USP15: variants seen among roughly 807,000 people sequenced by gnomAD.
The protein encoded by USP15 is ubiquitin specific peptidase 15, also known as ubiquitin carboxyl-terminal hydrolase 15.
A neutral mutation model predicts 127.1 loss-of-function variants in USP15; 18 were observed. The observed-to-expected ratio is 0.14, with a 90% CI of 0.10 to 0.21. USP15 has a LOEUF of 0.21. Among genes scored for constraint, USP15 ranks in the 10% least tolerant of loss-of-function variants. The probability of loss-of-function intolerance (pLI) is 1.00; values close to 1 mark genes in which losing one functional copy is unlikely to be tolerated. For synonymous variants in USP15, 364 were observed against 393.7 expected (o/e 0.92, Z 0.89); for missense variants, 805 against 1,159.9 (o/e 0.69, Z 4.44).
intron 1 of USP15, 99 bp from the exon 2 acceptor site, chr12:62,294,080 T>A: frequency 7.9e-7 from 1 of 1,268,918 alleles, no homozygotes; most frequent in Non-Finnish European, 1.1e-6. Flanking sequence ...GAAGTAGATA[T>A]GTCTTTTAAT....
At chr12:62,379,886 A>G (rs1217351413) in intron 8 of USP15, among the ~76,000 whole-genome samples, 2 of 152,070 alleles carry the variant, frequency 1.3e-5, no homozygotes, top group Non-Finnish European at 2.9e-5. Context: ...AGGACATATA[A>G]TACAAAGGAA....
At chr12:62,386,169 T>TTTG (rs1555222186) in intron 11 of USP15, among the ~76,000 whole-genome samples, 2 of 14,768 alleles carry the variant, frequency 1.4e-4, no homozygotes, top group Non-Finnish European at 4.6e-4. Context: ...GTGTTTTGTG[T>TTTG]TTTTTTTTTT....
At chr12:62,384,968 G>A (rs2067102463) in intron 11 of USP15, among the ~76,000 whole-genome samples, 1 of 151,754 alleles carries the variant, frequency 6.6e-6, no homozygotes, top group South Asian at 2.1e-4. Context: ...TTATTAATCA[G>A]TTAATCCTCT....
At chr12:62,336,110 A>G (rs2065454410) in intron 6 of USP15, 1 of 985,312 alleles carries the variant, frequency 1.0e-6, no homozygotes, top group African/African-American at 1.7e-5. Context: ...AAATGCATTG[A>G]CATTCACTAA....
intron 1 of USP15, among the ~76,000 whole-genome samples, chr12:62,277,296 A>G (rs940928304): frequency 3.9e-5 from 6 of 152,140 alleles, no homozygotes; most frequent in Non-Finnish European, 7.4e-5. Context: ...AAGCTGTGCT[A>G]CTGTTTTTAT....
intron 11 of USP15, among the ~76,000 whole-genome samples, chr12:62,385,475 A>C (rs1276387245): frequency 6.6e-6 from 1 of 152,002 alleles, no homozygotes; most frequent in Non-Finnish European, 1.5e-5. Flanking sequence ...ATTAAAGTCT[A>C]GTAGATACTA....
chr12:62,308,218 A>G (rs1335282280), intron 3 of USP15, among the ~76,000 whole-genome samples: 1 of 152,000 alleles, frequency 6.6e-6, no homozygotes, highest in Non-Finnish European at 1.5e-5. Context: ...AAATGAATTG[A>G]GACTAGTTGG....
chr12:62,261,053 A>G (rs1278492802), intron 1 of USP15, among the ~76,000 whole-genome samples: 1 of 152,128 alleles, frequency 6.6e-6, no homozygotes, highest in Non-Finnish European at 1.5e-5. Context: ...AAGAAACCCT[A>G]GTTTCCAGTT....
intron 7 of USP15, among the ~76,000 whole-genome samples, 171 bp downstream of exon 7, chr12:62,349,478 A>G (rs1383470336): frequency 6.6e-6 from 1 of 152,056 alleles, no homozygotes; most frequent in Non-Finnish European, 1.5e-5. Context: ...AAGCAATTAA[A>G]TTGCTTCTTG....
In USP15 at chr12:62,404,367, A is replaced by C; in HGVS notation, c.2938A>C (p.Thr980Pro). ...TATAGAAAATGAAAACTGTATGCAC[A>C]CTAACTAATGAAAGTCCTAGAAGCC... Reference protein sequence around the residue: ...NDIENENCMHTN With the variant: ...NDIENENCMHPN Residue 980 changes from threonine to proline, a missense_variant, in exon 22 of 22, where the codon ACT becomes CCT. Coordinates refer to ENST00000280377, the MANE Select transcript of USP15 (RefSeq NM_001252078.2). 1 of 1,597,006 alleles carries C rather than the reference A, an allele frequency of 6.3e-7. No homozygotes were observed. The highest frequency in any genetic ancestry group is 8.5e-7 in the Non-Finnish European group (1 of 1,170,918).
chr12:62,261,217 A>C (rs1422273242), intron 1 of USP15, among the ~76,000 whole-genome samples: 1 of 152,214 alleles, frequency 6.6e-6, no homozygotes, highest in Non-Finnish European at 1.5e-5. Context: ...GCCTGCAAAA[A>C]GTAGATAAGT....
chr12:62,339,815 A>G (rs554733259), intron 6 of USP15, among the ~76,000 whole-genome samples: 3 of 152,334 alleles, frequency 2.0e-5, no homozygotes, highest in South Asian at 4.1e-4. Context: ...TTTTGCATCA[A>G]TGTGCATCAG....
intron 14 of USP15, 68 bp downstream of exon 14, chr12:62,390,056 A>G: frequency 2.2e-6 from 3 of 1,369,664 alleles, no homozygotes; most frequent in Non-Finnish European, 2.9e-6. Flanking sequence ...GCTAATAAAA[A>G]TAAACACATA....
chr12:62,342,321 T>G (rs966589885), intron 6 of USP15, among the ~76,000 whole-genome samples: 4 of 152,128 alleles, frequency 2.6e-5, no homozygotes, highest in Non-Finnish European at 4.4e-5. Flanking sequence ...TAACCTTTTA[T>G]CAAGGTTCTT....
intron 6 of USP15, among the ~76,000 whole-genome samples, chr12:62,347,125 G>T (rs1386787119): frequency 6.6e-6 from 1 of 151,898 alleles, no homozygotes; most frequent in African/African-American, 2.4e-5. Context: ...ACTTATCAAG[G>T]GTGAGGCATA....
At chr12:62,325,174 A>AT (rs1032897036) in intron 5 of USP15, among the ~76,000 whole-genome samples, 2 of 151,976 alleles carry the variant, frequency 1.3e-5, no homozygotes, top group African/African-American at 4.8e-5. Context: ...ATAAGGAAAG[A>AT]TTTTCGGGTG....
intron 15 of USP15, 76 bp from the exon 16 acceptor site, chr12:62,391,081 A>G: frequency 6.7e-7 from 1 of 1,500,700 alleles, no homozygotes; most frequent in Non-Finnish European, 8.9e-7. Context: ...ATACCTGGAA[A>G]CCTAGGATTA....
At chr12:62,356,617 G>A (rs1469440144) in intron 8 of USP15, among the ~76,000 whole-genome samples, 2 of 151,974 alleles carry the variant, frequency 1.3e-5, no homozygotes, top group Non-Finnish European at 2.9e-5. Flanking sequence ...ATCTGCCTAA[G>A]CAGATAGGTT....
chr12:62,391,019 G>C (rs1592721577), intron 15 of USP15, 40 bp downstream of exon 15: 1 of 1,572,970 alleles, frequency 6.4e-7, no homozygotes, highest in South Asian at 1.2e-5. Context: ...GTTTCACTTA[G>C]ATAATTGCCT....
Sources: allele counts gnomAD v4.1 joint callset (sites outside exome capture counted in the v4.1 genomes callset), GRCh38; gene constraint gnomAD v4.1.1; transcripts MANE v1.5; gene names NCBI Gene and HGNC (gene_info 2026-07-23, HGNC 2026-07-21).